ZMYM1: variants seen among roughly 807,000 people sequenced by gnomAD.
ZMYM1 encodes zinc finger MYM-type containing 1.
Under a neutral mutation model 60.0 loss-of-function variants are expected in ZMYM1, and 39 were observed. The ratio of observed to expected loss-of-function variants is 0.65; its 90% CI spans 0.50 to 0.85. The LOEUF (loss-of-function observed/expected upper bound fraction) is 0.85. Ranked by LOEUF, ZMYM1 falls within the 40% of genes least tolerant of loss-of-function variation. The pLI is 0.00. For missense variants in ZMYM1, 1,171 were observed against 1,309.5 expected, an observed-to-expected ratio of 0.89 and a Z score of 1.63; for synonymous variants, 413 against 454.0, an observed-to-expected ratio of 0.91 and a Z score of 1.15.
chr1:35,065,055 G>A (rs888335932), intron 1 of ZMYM1, among the ~76,000 whole-genome samples: 2 of 151,550 alleles, frequency 1.3e-5, no homozygotes, highest in Admixed American at 6.6e-5. Flanking sequence ...TATTTTAATT[G>A]AACAAAAAAA....
intron 4 of ZMYM1, among the ~76,000 whole-genome samples, chr1:35,102,610 C>T (rs1643719083): frequency 6.6e-6 from 1 of 152,146 alleles, no homozygotes; most frequent in Admixed American, 6.6e-5. Flanking sequence ...CTTGAAGTGA[C>T]AGTCTCATTT....
rs781360859 is a variant in ZMYM1, at chr1:35,113,797, A to G, written c.1967A>G (p.Lys656Arg). ...ICDETINSAM[K>R]EQLSICVRYP... is the part of the protein sequence containing the mutation. ...GATGAGACAATCAATAGTGCCATGA[A>G]AGAACAGCTTTCAATTTGTGTAAGA... Residue 656 changes from lysine to arginine, a missense_variant, in exon 10 of 10, where the codon AAA (lysine) becomes AGA (arginine). Coordinates refer to ENST00000359858, the MANE Select transcript of ZMYM1 (RefSeq NM_024772.5). 1.9e-6 allele frequency: 3 copies of G among 1,613,890 alleles called. No homozygotes were observed. Among genetic ancestry groups the G allele is most frequent in the East Asian group, 4.5e-5 (2 of 44,838 alleles).
At chr1:35,074,129 C>G (rs1364933489) in intron 1 of ZMYM1, among the ~76,000 whole-genome samples, 1 of 152,112 alleles carries the variant, frequency 6.6e-6, no homozygotes, top group East Asian at 1.9e-4. Flanking sequence ...CTTCATTGAC[C>G]AATTGGTCAT....
Position 35,095,758 on chromosome 1 carries a change from C to T in ZMYM1, c.97-61C>T, listed in dbSNP as rs757978717. ...CAATTTATCATTTTCTGTTGAATGA[C>T]TGGTTGTCTTAAATTCATTGTATTC... On this transcript the variant is annotated intron_variant, in intron 2 of 9. Coordinates refer to ENST00000359858, the MANE Select transcript of ZMYM1 (RefSeq NM_024772.5). The T allele has an allele frequency of 1.8e-5, 24 of 1,331,210 alleles. 1 individual carries two copies. The highest frequency in any genetic ancestry group is 1.6e-5 in the Non-Finnish European group (15 of 966,916). 82.5% of individuals were successfully genotyped at this position (1,331,210 alleles called of 1,614,324 possible).
In ZMYM1 at chr1:35,060,210, C is replaced by A. The variant is rs1431850172; in HGVS notation, c.-301+285C>A. On this transcript the variant is annotated intron_variant, in intron 1 of 10. Coordinates refer to the ZMYM1 transcript ENST00000417119. ...TTGAGACAGAGTTTCGCTCTTGTTG[C>A]CCAGGCTAGAATGCAATAGCGCAAT... is the stretch of plus-strand genomic sequence containing the variant. Among the ~76,000 whole-genome samples, 3 of 150,536 alleles carry A rather than the reference C, an allele frequency of 2.0e-5. No homozygotes were observed. The East Asian group carries it at 5.8e-4, about 29-fold the overall frequency.
chr1:35,114,811 T>C lies in ZMYM1; in HGVS notation c.2981T>C (p.Ile994Thr). The change falls in exon 10 of 10, where the codon ATT (isoleucine) becomes ACT (threonine). Residue 994 changes from isoleucine to threonine, a missense_variant. Transcript: ENST00000359858. The stretch of plus-strand genomic sequence containing the variant: ...TTTGATTATTGCAAAATAAAGCAAA[T>C]TTCAGAACTGTTATTTAAATGGAAT... ...SEFDYCKIKQ[I>T]SELLFKWNEP... is the part of the protein sequence containing the mutation. 2 of 1,607,054 alleles carry C rather than the reference T, an allele frequency of 1.2e-6. No homozygotes were observed. The highest frequency in any genetic ancestry group is 1.7e-6 in the Non-Finnish European group (2 of 1,177,132).
At chr1:35,062,298 A>G (rs1641890848) in intron 1 of ZMYM1, among the ~76,000 whole-genome samples, 1 of 152,206 alleles carries the variant, frequency 6.6e-6, no homozygotes, top group Non-Finnish European at 1.5e-5. Context: ...CTTTCTACTT[A>G]GAAGCAAGTT....
intron 4 of ZMYM1, among the ~76,000 whole-genome samples, chr1:35,100,874 C>T (rs1357910736): frequency 6.6e-6 from 1 of 151,766 alleles, no homozygotes; most frequent in East Asian, 1.9e-4. Flanking sequence ...ACCATCTTGG[C>T]TCACTGCAGC....
upstream of ZMYM1, among the ~76,000 whole-genome samples, chr1:35,077,465 A>C (rs544342250): frequency 7.4e-4 from 113 of 152,350 alleles, 1 homozygote; most frequent in South Asian, 0.017. Context: ...TTATAAGATT[A>C]ACAAATTAGC....
chr1:35,067,857 A>G (rs1281062060), intron 1 of ZMYM1, among the ~76,000 whole-genome samples: 2 of 151,846 alleles, frequency 1.3e-5, no homozygotes, highest in East Asian at 4.0e-4. Flanking sequence ...TCTAGGCGAC[A>G]AGAGCAAAGT....
At chr1:35,112,800 A>G (rs2148572424) in intron 9 of ZMYM1, among the ~76,000 whole-genome samples, 177 bp from the exon 10 acceptor site, 1 of 152,012 alleles carries the variant, frequency 6.6e-6, no homozygotes, top group East Asian at 1.9e-4. Flanking sequence ...TCAAACATTT[A>G]ATGCTGAATC....
rs1327867670 is a variant in ZMYM1 at position 35,104,604 on chromosome 1, T to G, written c.642T>G (p.Ser214Arg). 1.2e-6 allele frequency: 2 copies of G among 1,614,196 alleles called. No individual in the cohort carries two copies. Among genetic ancestry groups the G allele is most frequent in the Non-Finnish European group, 1.7e-6 (2 of 1,180,032 alleles). The part of the protein sequence containing the change: ...KYQNVKHNLC[S>R]NACLSKFHSA... Reference sequence around the variant, plus strand: ...AAAATGTGAAACATAATCTTTGCAGTAATGCCTGCCTTTCAAAGTTTCACT... The same window carrying G: ...AAAATGTGAAACATAATCTTTGCAGGAATGCCTGCCTTTCAAAGTTTCACT... The change falls in exon 6 of 10, where the codon AGT (serine) becomes AGG (arginine). Residue 214 changes from serine to arginine, a missense_variant. Coordinates refer to ENST00000359858, the MANE Select transcript of ZMYM1 (RefSeq NM_024772.5).
At chr1:35,060,424 T>C (rs1336718957) in intron 1 of ZMYM1, among the ~76,000 whole-genome samples, 1 of 151,856 alleles carries the variant, frequency 6.6e-6, no homozygotes, top group Non-Finnish European at 1.5e-5. Flanking sequence ...CCTCCCAAAG[T>C]GCTGGGATTA....
intron 1 of ZMYM1, among the ~76,000 whole-genome samples, chr1:35,085,207 C>G (rs1642592442): frequency 6.6e-6 from 1 of 152,004 alleles, no homozygotes; most frequent in South Asian, 2.1e-4. Context: ...ACTACCACGC[C>G]TGGCTAATTT....
chr1:35,085,413 A>G (rs904825342), intron 1 of ZMYM1, among the ~76,000 whole-genome samples: 1 of 152,194 alleles, frequency 6.6e-6, no homozygotes, highest in Non-Finnish European at 1.5e-5. Flanking sequence ...CAAACTGCAT[A>G]GGATCTGATT....
intron 1 of ZMYM1, chr1:35,093,446 G>A (rs1011039782): frequency 1.3e-5 from 2 of 152,396 alleles, no homozygotes; most frequent in Admixed American, 6.6e-5. Flanking sequence ...TTACAGGTAT[G>A]TGCCACCACA....
chr1:35,117,811 A>C (rs1644263761), downstream of ZMYM1, among the ~76,000 whole-genome samples: 1 of 152,034 alleles, frequency 6.6e-6, no homozygotes, highest in South Asian at 2.1e-4. Flanking sequence ...GTGGTGGCAC[A>C]TGCCTGTAAT....
rs1553136867 is a variant in ZMYM1 at position 35,073,338 on chromosome 1, A to AAGGAAGGAAGGAAGGAAGGAAGGAAGG, written c.-300-5655_-300-5654insGGAAGGAAGGAAGGAAGGAAGGAAGGA. On this transcript the variant is annotated intron_variant, in intron 1 of 10. Transcript: ENST00000417119. ...GAAAAAAAGAAAGGGAGAAAGAAAG[A>AAGGAAGGAAGGAAGGAAGGAAGGAAGG]AAGGAAGGAAGGAAGGAAGGAAGGA... 6.9e-5 allele frequency among the ~76,000 whole-genome samples: 8 copies of AAGGAAGGAAGGAAGGAAGGAAGGAAGG among 115,774 alleles called. No homozygotes were observed. In the East Asian group the frequency reaches 1.1e-3, roughly 16 times the overall value. The allele number at this position is 115,774 out of a possible 152,430, so 76.0% of individuals were successfully genotyped here. A position where few individuals can be genotyped will look rare whatever the true frequency, so the allele number is the denominator to read the frequency against.
intron 4 of ZMYM1, among the ~76,000 whole-genome samples, chr1:35,103,653 A>G (rs919930990): frequency 6.6e-6 from 1 of 152,078 alleles, no homozygotes; most frequent in African/African-American, 2.4e-5. Flanking sequence ...ACCTGTTTTC[A>G]GTTTTTTTGG....
Sources: allele counts gnomAD v4.1 joint callset (sites outside exome capture counted in the v4.1 genomes callset), GRCh38; gene constraint gnomAD v4.1.1; transcripts MANE v1.5; gene names NCBI Gene and HGNC (gene_info 2026-07-23, HGNC 2026-07-21).